TRAPPC8: variants seen among roughly 807,000 people sequenced by gnomAD.
TRAPPC8 encodes general sporulation gene 1 homolog.
TRAPPC8 carries 54 observed loss-of-function variants against 174.3 expected under a neutral mutation model. The observed-to-expected ratio is 0.31, with a 90% CI of 0.25 to 0.39. The LOEUF (loss-of-function observed/expected upper bound fraction) is 0.39. TRAPPC8 is among the 10% of genes least tolerant of loss of function. The probability of loss-of-function intolerance (pLI) is 1.00; values close to 1 mark genes in which losing one functional copy is unlikely to be tolerated. For missense variants in TRAPPC8, 1,531 were observed against 1,699.1 expected (o/e 0.90, Z 1.74); for synonymous variants, 630 against 579.9 (o/e 1.09, Z -1.24).
In TRAPPC8 at chr18:31,911,871, CAAAAAAA is replaced by C. The variant is rs35950290; in HGVS notation, c.771+1491_771+1497del. On this transcript the variant is annotated intron_variant, in intron 5 of 28. Transcript: ENST00000283351. ...TGGGCGACAGAGCGAGATCCTGTCT[CAAAAAAA>C]AAAAAAAAAAAAATTTTCTTCTAAA... Among the ~76,000 whole-genome samples the C allele has an allele frequency of 3.9e-3, 370 of 93,718 alleles. 3 individuals carry two copies. The highest frequency in any genetic ancestry group is 6.3e-3 in the Non-Finnish European group (288 of 45,518). The allele number at this position is 93,718 out of a possible 152,430, so 61.5% of individuals were successfully genotyped here.
At chr18:31,934,573 A>T (rs2037996612) in intron 1 of TRAPPC8, among the ~76,000 whole-genome samples, 1 of 152,172 alleles carries the variant, frequency 6.6e-6, no homozygotes, top group Admixed American at 6.6e-5. Context: ...TATTTTCCTT[A>T]AAGTTGCTTC....
chr18:31,843,586 C>A (rs1009195406), intron 26 of TRAPPC8, among the ~76,000 whole-genome samples: 9 of 152,280 alleles, frequency 5.9e-5, no homozygotes, highest in African/African-American at 1.7e-4. Flanking sequence ...TATGACTGAG[C>A]CACTCATATC....
chr18:31,920,855 C>G (rs1398597537), intron 2 of TRAPPC8, among the ~76,000 whole-genome samples: 2 of 150,344 alleles, frequency 1.3e-5, no homozygotes, highest in Non-Finnish European at 2.9e-5. Context: ...GCAGGACAAT[C>G]GCTTGAACCA....
intron 9 of TRAPPC8, among the ~76,000 whole-genome samples, chr18:31,901,819 GA>G (rs1424068329): frequency 6.6e-6 from 1 of 152,232 alleles, no homozygotes; most frequent in Non-Finnish European, 1.5e-5. Flanking sequence ...GCGTCTACGT[GA>G]ATGTTGTGTG....
rs2037840436 is a variant in TRAPPC8, at chr18:31,931,420, C to T, written c.261G>A (p.Lys87=). 1 of 1,613,434 alleles carries T rather than the reference C, an allele frequency of 6.2e-7. No homozygotes were observed. Among genetic ancestry groups the T allele is most frequent in the Non-Finnish European group, 8.5e-7 (1 of 1,179,714 alleles). Residue 87 remains lysine, a synonymous_variant, in exon 2 of 29, where the codon AAG becomes AAA. Transcript: ENST00000283351. ...TQPPQPGAIR[K]LLNDVVSGSQ... ...TGCCAGAAACAACATCATTCAAAAG[C>T]TTCCGGATGGCTCCAGGCTGAGGTG...
At chr18:31,891,485 C>G (rs1160813537) in intron 11 of TRAPPC8, among the ~76,000 whole-genome samples, 1 of 152,156 alleles carries the variant, frequency 6.6e-6, no homozygotes, top group East Asian at 1.9e-4. Context: ...AAGAATACAA[C>G]TCAAGTAAGT....
Position 31,897,792 on chromosome 18 carries a change from G to C in TRAPPC8, c.1590C>G (p.Thr530=). Residue 530 remains threonine, a synonymous_variant, in exon 11 of 29, where the codon ACC becomes ACG. Coordinates refer to ENST00000283351, the MANE Select transcript of TRAPPC8 (RefSeq NM_014939.5). ...SEAAALLIRL[T]SEDSDLRSAL... is the part of the protein sequence containing the mutation. ...TACTACACAGTTTCAGTACCTCACTGGTCAACCGTATTAGGAGAGCTGCAG... is the reference window on the plus strand; with the variant it reads ...TACTACACAGTTTCAGTACCTCACTCGTCAACCGTATTAGGAGAGCTGCAG... 6.3e-7 allele frequency: 1 copy of C among 1,598,192 alleles called. No individual in the cohort carries two copies. Among genetic ancestry groups the C allele is most frequent in the Non-Finnish European group, 8.5e-7 (1 of 1,170,910 alleles).
rs139298975 is a variant in TRAPPC8 at position 31,907,117 on chromosome 18, A to G, written c.1389+343T>C. On this transcript the variant is annotated intron_variant, in intron 9 of 28. Transcript: ENST00000283351. ...ATACATGACCATTTTTTAATTACCT[A>G]GTTTTTTGGGTTTTGTTTTTAAGAA... Among the ~76,000 whole-genome samples, 720 of 152,218 alleles carry G rather than the reference A, an allele frequency of 4.7e-3. 1 individual carries two copies. The highest frequency in any genetic ancestry group is 0.017 in the African/African-American group (689 of 41,548).
chr18:31,860,368 T>C (rs761289889), intron 19 of TRAPPC8, among the ~76,000 whole-genome samples: 1 of 151,974 alleles, frequency 6.6e-6, no homozygotes, highest in African/African-American at 2.4e-5. Context: ...GAAACAATTG[T>C]ATTAAAAAAA....
intron 10 of TRAPPC8, among the ~76,000 whole-genome samples, chr18:31,899,684 C>A (rs796592496): frequency 9.2e-5 from 14 of 152,324 alleles, no homozygotes; most frequent in African/African-American, 3.4e-4. Context: ...CGGTGGCTCG[C>A]ACCTGTAATC....
In TRAPPC8 at chr18:31,893,402, T is replaced by C. The variant is rs200477355; in HGVS notation, c.1597-2536A>G. On this transcript the variant is annotated intron_variant, in intron 11 of 28. Coordinates refer to ENST00000283351, the MANE Select transcript of TRAPPC8 (RefSeq NM_014939.5). ...CTAGGTGTGTGTGTGTGTGTGTGTG[T>C]GCGCGCGCGCGTGTGCCTGTGTGTG... 6.3e-3 allele frequency among the ~76,000 whole-genome samples: 871 copies of C among 138,342 alleles called. 4 individuals carry two copies. Among genetic ancestry groups the C allele is most frequent in the African/African-American group, 0.015 (595 of 38,540 alleles). The allele number at this position is 138,342 out of a possible 152,430, so 90.8% of individuals were successfully genotyped here.
chr18:31,914,177 C>CA (rs1257487817), intron 4 of TRAPPC8, among the ~76,000 whole-genome samples: 1 of 104,722 alleles, frequency 9.5e-6, no homozygotes, highest in Admixed American at 8.9e-5. Flanking sequence ...AAAAAAAAAA[C>CA]AACCTGGAAA....
At chr18:31,870,304 G>A in intron 16 of TRAPPC8, 68 bp downstream of exon 16, 1 of 1,430,168 alleles carries the variant, frequency 7.0e-7, no homozygotes. Context: ...AGAGTACATT[G>A]AAATGTTACT....
At chr18:31,877,776 A>G (rs1345756523) in intron 12 of TRAPPC8, among the ~76,000 whole-genome samples, 1 of 151,696 alleles carries the variant, frequency 6.6e-6, no homozygotes, top group African/African-American at 2.4e-5. Context: ...ATACAAAATT[A>G]GCCAGGCGTG....
chr18:31,915,888 GA>G (rs775582621), intron 4 of TRAPPC8, among the ~76,000 whole-genome samples: 407 of 82,848 alleles, frequency 4.9e-3, no homozygotes, highest in African/African-American at 0.018. Context: ...CTCCATCTCA[GA>G]AAAAAAAAAA....
At chr18:31,867,816 T>C (rs1205207388) in intron 16 of TRAPPC8, among the ~76,000 whole-genome samples, 1 of 151,540 alleles carries the variant, frequency 6.6e-6, no homozygotes, top group East Asian at 1.9e-4. Flanking sequence ...GAGGTGGAGG[T>C]TGCAGTGAGT....
chr18:31,899,604 C>T (rs771013202), intron 10 of TRAPPC8, among the ~76,000 whole-genome samples: 10 of 152,160 alleles, frequency 6.6e-5, no homozygotes, highest in Non-Finnish European at 1.3e-4. Flanking sequence ...CTCAAATATT[C>T]GGTAATTTTC....
chr18:31,857,559 T>C lies in TRAPPC8; in HGVS notation c.3169A>G (p.Lys1057Glu), dbSNP rs2034088052. The change falls in exon 20 of 29, where the codon AAA becomes GAA. Residue 1057 changes from lysine (K) to glutamate (E), a missense_variant. Physicochemically the swap from Lys to Glu is moderately conservative, Grantham distance 56 (BLOSUM62 1). Coordinates refer to ENST00000283351, the MANE Select transcript of TRAPPC8 (RefSeq NM_014939.5). ...ACTAACCGTATTTTTGGCTGCTTTT[T>C]GACACTTTCATAGTAAAACAAAAAG... Reference protein sequence around the residue: ...INFLFYYESVKKQPKIRHRIL... With the variant: ...INFLFYYESVEKQPKIRHRIL... 1 of 1,595,606 alleles carries C rather than the reference T, an allele frequency of 6.3e-7. No homozygotes were observed. The highest frequency in any genetic ancestry group is 8.5e-7 in the Non-Finnish European group (1 of 1,172,138).
intron 2 of TRAPPC8, 147 bp from the exon 3 acceptor site, chr18:31,917,814 C>T (rs972136658): frequency 7.4e-6 from 5 of 673,370 alleles, no homozygotes; most frequent in Non-Finnish European, 1.3e-5. Context: ...TTCAGATGTA[C>T]ATGTGTGTAT....
Sources: allele counts gnomAD v4.1 joint callset (sites outside exome capture counted in the v4.1 genomes callset), GRCh38; gene constraint gnomAD v4.1.1; transcripts MANE v1.5; gene names NCBI Gene and HGNC (gene_info 2026-07-23, HGNC 2026-07-21).